Variants in KLHL12 observed in about 807,000 individuals in gnomAD.
KLHL12 encodes kelch-like protein 12.
KLHL12 carries 17 observed loss-of-function variants against 60.8 expected under a neutral mutation model. The observed-to-expected ratio is 0.28, with a 90% CI of 0.19 to 0.42. The LOEUF is 0.42. KLHL12 is among the 10% of genes least tolerant of loss of function. KLHL12 has a pLI of 1.00. For missense variants in KLHL12, 468 were observed against 722.3 expected, an observed-to-expected ratio of 0.65 and a Z score of 4.04; for synonymous variants, 220 against 250.9, an observed-to-expected ratio of 0.88 and a Z score of 1.16.
rs2102401745 is a variant in KLHL12, at chr1:202,891,559, C to T, written c.*974G>A. The T allele has an allele frequency of 6.6e-6, 1 of 152,308 alleles. No homozygotes were observed. The highest frequency in any genetic ancestry group is 3.4e-3 in the Middle Eastern group (1 of 292). 9.4% of individuals were successfully genotyped at this position (152,308 alleles called of 1,614,324 possible). On this transcript the variant is annotated 3_prime_UTR_variant, in exon 12 of 12. Coordinates refer to ENST00000367261, the MANE Select transcript of KLHL12 (RefSeq NM_021633.4). ...GGCTACTGTCACTCCCAGCCCATCCCCAAATAAATAGTGTGGAAGTGTAAT... is the reference window on the plus strand; with the variant it reads ...GGCTACTGTCACTCCCAGCCCATCCTCAAATAAATAGTGTGGAAGTGTAAT...
intron 6 of KLHL12, among the ~76,000 whole-genome samples, chr1:202,897,647 T>C (rs1214364957): frequency 6.6e-6 from 1 of 152,180 alleles, no homozygotes; most frequent in East Asian, 1.9e-4. Flanking sequence ...GGAGGTTTTT[T>C]GTTGTAATGG....
At chr1:202,899,739 T>C (rs1019182724) in intron 6 of KLHL12, among the ~76,000 whole-genome samples, 6 of 150,282 alleles carry the variant, frequency 4.0e-5, no homozygotes, top group African/African-American at 1.5e-4. Context: ...GGCGGGAGAA[T>C]CACTTGAACT....
At chr1:202,892,793 C>G in intron 11 of KLHL12, 134 bp from the exon 12 acceptor site, 1 of 805,612 alleles carries the variant, frequency 1.2e-6, no homozygotes, top group East Asian at 2.7e-5. Flanking sequence ...CCAGCCTGGG[C>G]AACATGGTGA....
chr1:202,922,060 A>G (rs533131028), intron 2 of KLHL12, among the ~76,000 whole-genome samples: 41 of 152,360 alleles, frequency 2.7e-4, no homozygotes, highest in Middle Eastern at 3.4e-3. Flanking sequence ...ATGTAAGTAC[A>G]TGTATTCCAG....
intron 4 of KLHL12, among the ~76,000 whole-genome samples, chr1:202,914,479 T>C (rs1184717456): frequency 6.6e-6 from 1 of 152,238 alleles, no homozygotes; most frequent in Non-Finnish European, 1.5e-5. Flanking sequence ...AGATACATGA[T>C]AGACTCTGAC....
rs1437961960 is a variant in KLHL12 at position 202,911,054 on chromosome 1, C to T, written c.717G>A (p.Glu239=). Residue 239 remains glutamate, a splice_region_variant and synonymous_variant, in exon 5 of 12, where the codon GAG becomes GAA. Coordinates refer to ENST00000367261, the MANE Select transcript of KLHL12 (RefSeq NM_021633.4). The stretch of plus-strand genomic sequence containing the variant: ...ATCCTGAGAGTGTTGCACTACTTAC[C>T]TCAGCATCTATTACATCTGTGATAT... The part of the protein sequence containing the change: ...PRYITDVIDA[E]PFIRCSLQCR... The T allele has an allele frequency of 6.2e-7, 1 of 1,613,808 alleles. No homozygotes were observed. Among genetic ancestry groups the T allele is most frequent in the African/African-American group, 1.3e-5 (1 of 74,876 alleles).
At chr1:202,910,126 A>C (rs978122358) in intron 5 of KLHL12, among the ~76,000 whole-genome samples, 42 of 152,356 alleles carry the variant, frequency 2.8e-4, no homozygotes, top group African/African-American at 1.0e-3. Context: ...AAAAGTTTTC[A>C]CATAGTAACT....
At position 202,911,126 on chromosome 1, in the gene KLHL12, C is replaced by T; in HGVS notation, c.645G>A (p.Leu215=). ...KHAKKEREES[L]PNLLQYVRMP... is the part of the protein sequence containing the mutation. ...TCCGCACATACTGTAGCAGGTTAGGCAAGGATTCTTCCCGCTCTTTCTTGG... is the reference window on the plus strand; with the variant it reads ...TCCGCACATACTGTAGCAGGTTAGGTAAGGATTCTTCCCGCTCTTTCTTGG... The change falls in exon 5 of 12, where the codon TTG becomes TTA. Residue 215 remains leucine (L), a synonymous_variant. Coordinates refer to ENST00000367261, the MANE Select transcript of KLHL12 (RefSeq NM_021633.4). 1.9e-6 allele frequency: 3 copies of T among 1,614,130 alleles called. No homozygotes were observed. Among genetic ancestry groups the T allele is most frequent in the Non-Finnish European group, 2.5e-6 (3 of 1,180,010 alleles).
chr1:202,918,096 A>G (rs1571539562), intron 4 of KLHL12, 75 bp downstream of exon 4: 2 of 1,061,386 alleles, frequency 1.9e-6, no homozygotes, highest in East Asian at 2.4e-5. Context: ...CCTGATGGTA[A>G]GTAACTGCAT....
chr1:202,920,243 G>A (rs1008149018), intron 2 of KLHL12, among the ~76,000 whole-genome samples: 2 of 151,816 alleles, frequency 1.3e-5, no homozygotes, highest in African/African-American at 4.8e-5. Context: ...CAACCCAGGA[G>A]GCGAAGGTTG....
intron 4 of KLHL12, among the ~76,000 whole-genome samples, chr1:202,916,430 A>AT (rs1170999883): frequency 1.3e-5 from 2 of 152,252 alleles, no homozygotes; most frequent in African/African-American, 4.8e-5. Context: ...GAAGTGGCTG[A>AT]TGTCAGGAGT....
chr1:202,924,295 C>T (rs758732222), intron 2 of KLHL12, among the ~76,000 whole-genome samples: 12 of 152,212 alleles, frequency 7.9e-5, no homozygotes, highest in Non-Finnish European at 1.6e-4. Flanking sequence ...GCCTGTACAG[C>T]TATTCATTAA....
rs1449458969 is a variant in KLHL12, at chr1:202,925,215, A to AG, written c.-45-9dup. The AG allele has an allele frequency of 1.2e-6, 2 of 1,604,996 alleles. No homozygotes were observed. The highest frequency in any genetic ancestry group is 1.3e-5 in the African/African-American group (1 of 74,368). On this transcript the variant is annotated splice_polypyrimidine_tract_variant and intron_variant, in intron 1 of 11. Coordinates refer to ENST00000367261, the MANE Select transcript of KLHL12 (RefSeq NM_021633.4). ...GGTCCTTGGATTCTGCAACTACAAG[A>AG]GGGAAAAAAAAACAATGAGCATATT...
intron 8 of KLHL12, among the ~76,000 whole-genome samples, 193 bp from the exon 9 acceptor site, chr1:202,894,942 A>C (rs571532475): frequency 2.6e-4 from 39 of 152,354 alleles, no homozygotes; most frequent in Admixed American, 5.2e-4. Context: ...AATCCTTAAA[A>C]GCATTCAAAG....
At chr1:202,903,322 T>A (rs917291968) in intron 6 of KLHL12, among the ~76,000 whole-genome samples, 1 of 149,500 alleles carries the variant, frequency 6.7e-6, no homozygotes. Flanking sequence ...AGGCAAAAAA[T>A]TATGTTTAAT....
chr1:202,916,648 T>C (rs1380919677), intron 4 of KLHL12, among the ~76,000 whole-genome samples: 1 of 151,964 alleles, frequency 6.6e-6, no homozygotes, highest in Non-Finnish European at 1.5e-5. Flanking sequence ...CCTGTTATTA[T>C]ATTACACAAA....
intron 2 of KLHL12, among the ~76,000 whole-genome samples, chr1:202,924,517 T>G (rs1416618466): frequency 6.6e-6 from 1 of 152,160 alleles, no homozygotes; most frequent in Non-Finnish European, 1.5e-5. Context: ...GTGGCCACTC[T>G]GGGAGGCCAA....
At chr1:202,923,955 G>A (rs1334925162) in intron 2 of KLHL12, among the ~76,000 whole-genome samples, 1 of 152,038 alleles carries the variant, frequency 6.6e-6, no homozygotes, top group Non-Finnish European at 1.5e-5. Context: ...ACATGTAAGT[G>A]TAAATTATAT....
At chr1:202,921,428 G>A (rs1018514073) in intron 2 of KLHL12, among the ~76,000 whole-genome samples, 4 of 152,126 alleles carry the variant, frequency 2.6e-5, no homozygotes, top group Non-Finnish European at 4.4e-5. Context: ...GCCCACCTCA[G>A]CCTCTCAAAA....
Sources: gnomAD v4.1 joint callset for allele counts (sites outside exome capture counted in the v4.1 genomes callset) on GRCh38, gnomAD v4.1.1 for gene constraint, MANE v1.5 for transcripts, NCBI Gene and HGNC (gene_info 2026-07-23, HGNC 2026-07-21) for gene names.